Variants in MGLL observed in about 807,000 individuals in gnomAD.
The protein encoded by MGLL is lysophospholipase homolog.
MGLL carries 7 observed loss-of-function variants against 29.1 expected under a neutral mutation model. That is an observed-to-expected ratio of 0.24 (90% CI 0.14 to 0.45). The LOEUF (loss-of-function observed/expected upper bound fraction) is 0.45, where lower values mean the gene tolerates loss of function less well. MGLL is among the 20% of genes least tolerant of loss of function. MGLL has a pLI of 0.99. For synonymous variants in MGLL, 148 were observed against 168.3 expected, an observed-to-expected ratio of 0.88 and a Z score of 0.93; for missense variants, 356 against 413.6, an observed-to-expected ratio of 0.86 and a Z score of 1.21.
chr3:127,785,264 G>A (rs545631821), intron 2 of MGLL, among the ~76,000 whole-genome samples: 7 of 151,994 alleles, frequency 4.6e-5, no homozygotes, highest in Admixed American at 1.3e-4. Context: ...ACCTCTTCCC[G>A]GCCTGGTCTG....
chr3:127,746,041 G>A (rs760903045), intron 3 of MGLL, among the ~76,000 whole-genome samples: 2 of 152,240 alleles, frequency 1.3e-5, no homozygotes, highest in Non-Finnish European at 2.9e-5. Flanking sequence ...CAGCTTGGGA[G>A]ATGGGGGCCC....
intron 3 of MGLL, among the ~76,000 whole-genome samples, chr3:127,725,816 A>G (rs2076019541): frequency 6.6e-6 from 1 of 152,148 alleles, no homozygotes; most frequent in Non-Finnish European, 1.5e-5. Flanking sequence ...CTGTAATCCC[A>G]GTGCTTTGGG....
At chr3:127,776,865 T>C (rs1423128439) in intron 3 of MGLL, among the ~76,000 whole-genome samples, 2 of 152,112 alleles carry the variant, frequency 1.3e-5, no homozygotes, top group Non-Finnish European at 2.9e-5. Context: ...AGTCCAGGAA[T>C]GGACTATGCT....
At chr3:127,803,729 G>A (rs1006860439) in intron 2 of MGLL, among the ~76,000 whole-genome samples, 1 of 152,196 alleles carries the variant, frequency 6.6e-6, no homozygotes, top group African/African-American at 2.4e-5. Context: ...TTGTGCCTGG[G>A]ATGAGTTAGG....
At chr3:127,765,260 C>T (rs2076836967) in intron 3 of MGLL, among the ~76,000 whole-genome samples, 1 of 152,230 alleles carries the variant, frequency 6.6e-6, no homozygotes, top group Non-Finnish European at 1.5e-5. Flanking sequence ...GAAACGGCTT[C>T]TTCTGGGGAC....
intron 3 of MGLL, among the ~76,000 whole-genome samples, 188 bp downstream of exon 3, chr3:127,781,601 G>A (rs189648658): frequency 6.4e-4 from 97 of 152,314 alleles, no homozygotes; most frequent in Middle Eastern, 3.4e-3. Flanking sequence ...CCTGCATTCA[G>A]TCTCAGACTA....
intron 3 of MGLL, among the ~76,000 whole-genome samples, chr3:127,747,666 G>C (rs1203177788): frequency 6.6e-6 from 1 of 152,200 alleles, no homozygotes; most frequent in East Asian, 1.9e-4. Context: ...ATGGGCACAG[G>C]TATGATCATT....
chr3:127,736,317 C>G (rs909166196), intron 3 of MGLL: 128 of 985,698 alleles, frequency 1.3e-4, no homozygotes, highest in Non-Finnish European at 1.5e-4. Flanking sequence ...TTTTAGAAAG[C>G]CTGGGTGATA....
chr3:127,797,097 G>C (rs2077394848), intron 2 of MGLL, among the ~76,000 whole-genome samples: 1 of 152,100 alleles, frequency 6.6e-6, no homozygotes, highest in Non-Finnish European at 1.5e-5. Flanking sequence ...AGAAGCCTGT[G>C]ATGCTGTGCA....
intron 6 of MGLL, among the ~76,000 whole-genome samples, chr3:127,709,627 G>A (rs529273431): frequency 2.2e-4 from 33 of 152,290 alleles, no homozygotes; most frequent in African/African-American, 7.9e-4. Flanking sequence ...CCTTTAGGGA[G>A]CCAGTGATTC....
At chr3:127,764,019 G>C (rs769190078) in intron 3 of MGLL, among the ~76,000 whole-genome samples, 1 of 152,146 alleles carries the variant, frequency 6.6e-6, no homozygotes, top group Non-Finnish European at 1.5e-5. Flanking sequence ...CCAGCTTCTC[G>C]GAGCTTGCAT....
At chr3:127,803,517 A>G (rs994842696) in intron 2 of MGLL, among the ~76,000 whole-genome samples, 2 of 152,234 alleles carry the variant, frequency 1.3e-5, no homozygotes, top group Admixed American at 1.3e-4. Context: ...CATGTTCCAT[A>G]GGAGGGGAAC....
intron 3 of MGLL, among the ~76,000 whole-genome samples, chr3:127,733,597 G>A (rs1456847706): frequency 6.6e-6 from 1 of 152,200 alleles, no homozygotes; most frequent in Non-Finnish European, 1.5e-5. Context: ...GGAGGACGTG[G>A]CCTGAGACCA....
intron 6 of MGLL, among the ~76,000 whole-genome samples, chr3:127,695,818 T>C (rs1330394942): frequency 6.6e-6 from 1 of 152,232 alleles, no homozygotes; most frequent in Non-Finnish European, 1.5e-5. Context: ...AGCATATTGT[T>C]CACATCAATT....
At chr3:127,759,138 T>C in intron 3 of MGLL, among the ~76,000 whole-genome samples, 1 of 152,162 alleles carries the variant, frequency 6.6e-6, no homozygotes, top group East Asian at 1.9e-4. Flanking sequence ...TTGGCCAGGC[T>C]GGTCTTGAAC....
rs1032512435 is a variant in MGLL at position 127,721,078 on chromosome 3, T to C, written c.485A>G (p.Asn162Ser). 4 of 1,614,136 alleles carry C rather than the reference T, an allele frequency of 2.5e-6. No homozygotes were observed. Among genetic ancestry groups the C allele is most frequent in the South Asian group, 2.2e-5 (2 of 91,092 alleles). The change falls in exon 5 of 8, where the codon AAT (asparagine) becomes AGT (serine). Residue 162 changes from asparagine (N) to serine (S), a missense_variant. By Grantham distance (46) the Asn-to-Ser change is conservative. Transcript: ENST00000265052. ...CTTGAAAGTTGTTGCAGATTCAGGA[T>C]TGGCAAGAACCAGAGGCGAAATGAG... Reference protein sequence around the residue: ...MVLISPLVLANPESATTFKVL... With the variant: ...MVLISPLVLASPESATTFKVL...
intron 1 of MGLL, 44 bp downstream of exon 1, chr3:127,822,261 TACTC>T: frequency 6.3e-7 from 1 of 1,576,804 alleles, no homozygotes; most frequent in Non-Finnish European, 8.7e-7. Flanking sequence ...AGGTGGATGA[TACTC>T]AGATTATTCC....
At chr3:127,801,459 A>G (rs1258286215) in intron 2 of MGLL, among the ~76,000 whole-genome samples, 1 of 151,678 alleles carries the variant, frequency 6.6e-6, no homozygotes, top group Non-Finnish European at 1.5e-5. Context: ...CCTACTAAAA[A>G]TACAAAATTA....
intron 3 of MGLL, among the ~76,000 whole-genome samples, chr3:127,762,567 G>A (rs2076784897): frequency 6.6e-6 from 1 of 152,192 alleles, no homozygotes; most frequent in South Asian, 2.1e-4. Context: ...TCTGGGAGCT[G>A]GGGCCTGAGA....
Sources: gnomAD v4.1 joint callset for allele counts (sites outside exome capture counted in the v4.1 genomes callset) on GRCh38, gnomAD v4.1.1 for gene constraint, MANE v1.5 for transcripts, NCBI Gene and HGNC (gene_info 2026-07-23, HGNC 2026-07-21) for gene names.